Variants in PCDHA2 observed in about 807,000 individuals in gnomAD.
The protein encoded by PCDHA2 is protocadherin alpha-2.
PCDHA2 carries 58 observed loss-of-function variants against 66.0 expected under a neutral mutation model. The ratio of observed to expected loss-of-function variants is 0.88; its 90% confidence interval spans 0.71 to 1.09. The LOEUF (loss-of-function observed/expected upper bound fraction) is 1.09, where lower values mean the gene tolerates loss of function less well. Ranked by LOEUF, PCDHA2 falls within the 50% of genes least tolerant of loss-of-function variation. The pLI, the probability that PCDHA2 is intolerant of heterozygous loss-of-function variation, is 0.00. For missense variants in PCDHA2, 1,267 were observed against 1,242.3 expected (o/e 1.02, Z -0.30); for synonymous variants, 634 against 554.0 (o/e 1.14, Z -2.03).
At chr5:140,920,011 C>T (rs782647025) in intron 1 of PCDHA2, among the ~76,000 whole-genome samples, 2 of 152,088 alleles carry the variant, frequency 1.3e-5, no homozygotes, top group Non-Finnish European at 2.9e-5. Context: ...AAAGGCCATG[C>T]GAAGATGGAG....
At chr5:140,895,143 A>T (rs115893558) in intron 1 of PCDHA2, among the ~76,000 whole-genome samples, 1 of 152,158 alleles carries the variant, frequency 6.6e-6, no homozygotes, top group African/African-American at 2.4e-5. Flanking sequence ...CATAGGGCTA[A>T]GACAGGTTTA....
intron 1 of PCDHA2, among the ~76,000 whole-genome samples, chr5:140,897,278 A>C (rs993702418): frequency 1.1e-4 from 16 of 151,088 alleles, no homozygotes; most frequent in Non-Finnish European, 1.8e-4. Context: ...GGTGTGCTGC[A>C]CCCATTAACT....
intron 1 of PCDHA2, among the ~76,000 whole-genome samples, chr5:140,939,940 C>G (rs1438905083): frequency 6.6e-6 from 1 of 152,140 alleles, no homozygotes; most frequent in Non-Finnish European, 1.5e-5. Context: ...TTATCAGTTA[C>G]TGAGAAAATT....
chr5:140,873,211 T>C (rs560514188), intron 1 of PCDHA2, among the ~76,000 whole-genome samples: 2 of 152,272 alleles, frequency 1.3e-5, no homozygotes, highest in Admixed American at 6.5e-5. Flanking sequence ...TCTTTAAGTA[T>C]TAAAGAGAAG....
chr5:140,975,099 A>G (rs540357854), intron 1 of PCDHA2, among the ~76,000 whole-genome samples: 1 of 152,152 alleles, frequency 6.6e-6, no homozygotes, highest in Non-Finnish European at 1.5e-5. Flanking sequence ...TTGTTTGGGG[A>G]CTGAGATCTC....
intron 1 of PCDHA2, chr5:140,808,152 G>A: frequency 6.2e-7 from 1 of 1,614,136 alleles, no homozygotes; most frequent in Non-Finnish European, 8.5e-7. Flanking sequence ...ATTGTAGAGG[G>A]CATTGATAAG....
intron 1 of PCDHA2, among the ~76,000 whole-genome samples, chr5:140,952,079 C>A (rs2094682960): frequency 6.6e-6 from 1 of 152,162 alleles, no homozygotes; most frequent in South Asian, 2.1e-4. Flanking sequence ...TTCATTGACT[C>A]CATGTCTCAC....
chr5:140,841,077 G>A, intron 1 of PCDHA2: 1 of 526,540 alleles, frequency 1.9e-6, no homozygotes, highest in South Asian at 2.8e-5. Flanking sequence ...GAAATAGAAA[G>A]TGCATAGAAG....
intron 1 of PCDHA2, chr5:140,875,972 T>G: frequency 6.2e-7 from 1 of 1,614,068 alleles, no homozygotes; most frequent in Non-Finnish European, 8.5e-7. Context: ...GTAAACTCTC[T>G]TTTGACCTAT....
At chr5:140,807,862 C>G (rs1764047483) in intron 1 of PCDHA2, 1 of 1,613,994 alleles carries the variant, frequency 6.2e-7, no homozygotes, top group Admixed American at 1.7e-5. Context: ...TGACTGGCAC[C>G]GTTCAGTTAC....
At chr5:140,853,620 T>C (rs2042810253) in intron 1 of PCDHA2, 2 of 988,130 alleles carry the variant, frequency 2.0e-6, no homozygotes, top group African/African-American at 1.8e-5. Context: ...TGTAAATAAG[T>C]ATACAAGATC....
intron 1 of PCDHA2, among the ~76,000 whole-genome samples, chr5:140,963,436 T>C (rs148474994): frequency 0.01 from 1,563 of 152,364 alleles, 89 homozygotes; most frequent in Admixed American, 0.092. Context: ...ACTAACTTCA[T>C]ACTCTGTTGC....
intron 1 of PCDHA2, chr5:140,928,245 A>G: frequency 2.5e-6 from 4 of 1,614,192 alleles, no homozygotes; most frequent in Non-Finnish European, 8.5e-7. Context: ...CCCAGCAGGA[A>G]CTTTTCGTTG....
chr5:140,853,203 G>A lies in PCDHA2; in HGVS notation c.2388+55851G>A. The A allele has an allele frequency of 3.1e-6, 3 of 982,590 alleles. 1 individual carries two copies. 60.9% of individuals were successfully genotyped at this position (982,590 alleles called of 1,614,324 possible). A position where few individuals can be genotyped will look rare whatever the true frequency, so the allele number is the denominator to read the frequency against. The stretch of plus-strand genomic sequence containing the variant: ...CTAAAATGTGTTCTTTATTATTGAC[G>A]GCTGTATTGATGGGATTGGTAATTT... On this transcript the variant is annotated intron_variant, in intron 1 of 3. Coordinates refer to ENST00000526136, the MANE Select transcript of PCDHA2 (RefSeq NM_018905.3).
chr5:140,835,317 G>A lies in PCDHA2; in HGVS notation c.2388+37965G>A. ...AGTGATAGGACATATGGATTTTGAAGAAAGTAGAGCACACAAGATCCCAGT... is the reference window on the plus strand; with the variant it reads ...AGTGATAGGACATATGGATTTTGAAAAAAGTAGAGCACACAAGATCCCAGT... On this transcript the variant is annotated intron_variant, in intron 1 of 3. Coordinates refer to ENST00000526136, the MANE Select transcript of PCDHA2 (RefSeq NM_018905.3). 6 of 1,613,394 alleles carry A rather than the reference G, an allele frequency of 3.7e-6. No individual in the cohort carries two copies. Among genetic ancestry groups the A allele is most frequent in the Non-Finnish European group, 4.2e-6 (5 of 1,179,716 alleles).
chr5:140,808,317 A>G, intron 1 of PCDHA2: 1 of 1,614,260 alleles, frequency 6.2e-7, no homozygotes, highest in Non-Finnish European at 8.5e-7. Flanking sequence ...GTGTCCGACA[A>G]AGACATGGGT....
chr5:140,867,399 A>G (rs1001723593), intron 1 of PCDHA2: 2 of 152,166 alleles, frequency 1.3e-5, no homozygotes, highest in Non-Finnish European at 2.9e-5. Context: ...AAAAGTTGAT[A>G]TGTCTCCTTT....
intron 3 of PCDHA2, among the ~76,000 whole-genome samples, chr5:141,000,411 A>T (rs2097918603): frequency 1.1e-5 from 1 of 94,870 alleles, no homozygotes; most frequent in African/African-American, 4.4e-5. Flanking sequence ...ATATATATAT[A>T]TATATATATA....
chr5:140,829,881 T>C, intron 1 of PCDHA2: 1 of 1,613,934 alleles, frequency 6.2e-7, no homozygotes, highest in Non-Finnish European at 8.5e-7. Flanking sequence ...GTGCGCGCAG[T>C]TGACGCCGAC....
Sources: gnomAD v4.1 joint callset for allele counts (sites outside exome capture counted in the v4.1 genomes callset) on GRCh38, gnomAD v4.1.1 for gene constraint, MANE v1.5 for transcripts, NCBI Gene and HGNC (gene_info 2026-07-23, HGNC 2026-07-21) for gene names.